The following MOB3B variants were observed in gnomAD, a reference collection of about 807,000 sequenced individuals.
The protein encoded by MOB3B is MOB kinase activator 3B.
In MOB3B, 7 loss-of-function variants were observed where a neutral mutation model predicts 18.7. The ratio of observed to expected loss-of-function variants is 0.37; its 90% CI spans 0.21 to 0.70. The LOEUF (loss-of-function observed/expected upper bound fraction) is 0.70, where lower values mean the gene tolerates loss of function less well. MOB3B is among the 30% of genes least tolerant of loss of function. The pLI is 0.52. For missense variants in MOB3B, 253 were observed against 281.3 expected (o/e 0.90, Z 0.72); for synonymous variants, 111 against 99.9 (o/e 1.11, Z -0.66).
Position 27,356,933 on chromosome 9 carries a change from G to A in MOB3B, c.621+2101C>T, listed in dbSNP as rs187247365. On this transcript the variant is annotated intron_variant, in intron 3 of 3. Coordinates refer to ENST00000262244, the MANE Select transcript of MOB3B (RefSeq NM_024761.5). The stretch of plus-strand genomic sequence containing the variant: ...ACAGCCTTTATAAAACTCAGCCATC[G>A]ATGAATTCTTTCCATACTATTTGTC... Among the ~76,000 whole-genome samples the A allele has an allele frequency of 4.0e-5, 6 of 151,364 alleles. No individual in the cohort carries two copies. In the East Asian group the frequency reaches 7.8e-4, roughly 20 times the overall value.
chr9:27,510,110 C>T (rs1395776046), intron 1 of MOB3B, among the ~76,000 whole-genome samples: 1 of 152,168 alleles, frequency 6.6e-6, no homozygotes, highest in African/African-American at 2.4e-5. Context: ...ACATCTTTCT[C>T]CAGTTGTTCC....
chr9:27,460,467 T>C (rs1038154097), intron 1 of MOB3B, among the ~76,000 whole-genome samples: 2 of 152,228 alleles, frequency 1.3e-5, no homozygotes, highest in Non-Finnish European at 2.9e-5. Flanking sequence ...TCTTTTCCTA[T>C]TGATGTCTTT....
At chr9:27,491,923 A>G (rs1375523197) in intron 1 of MOB3B, among the ~76,000 whole-genome samples, 3 of 152,144 alleles carry the variant, frequency 2.0e-5, no homozygotes, top group African/African-American at 7.2e-5. Context: ...TGTTCTAAGC[A>G]CCTTTATTTG....
intron 2 of MOB3B, among the ~76,000 whole-genome samples, chr9:27,449,276 C>T (rs1324997304): frequency 6.6e-6 from 1 of 152,202 alleles, no homozygotes; most frequent in African/African-American, 2.4e-5. Flanking sequence ...TTTTATTTTA[C>T]TGAGGATACG....
chr9:27,333,079 TGA>T (rs1026269164), intron 3 of MOB3B, among the ~76,000 whole-genome samples: 5 of 152,178 alleles, frequency 3.3e-5, no homozygotes, highest in African/African-American at 1.2e-4. Flanking sequence ...ATTATGCCAC[TGA>T]GAGAGTATGG....
At chr9:27,489,739 A>ATTTTTTTTTT (rs1554652743) in intron 1 of MOB3B, among the ~76,000 whole-genome samples, 1 of 10,066 alleles carries the variant, frequency 9.9e-5, no homozygotes, top group Non-Finnish European at 3.5e-4. Context: ...TAAGGAAATA[A>ATTTTTTTTTT]TCTTTTTTTT....
At chr9:27,417,177 C>A (rs1822163732) in intron 2 of MOB3B, among the ~76,000 whole-genome samples, 1 of 152,216 alleles carries the variant, frequency 6.6e-6, no homozygotes, top group East Asian at 1.9e-4. Flanking sequence ...TCCTGGATAA[C>A]ACCGTGAAAC....
chr9:27,407,595 G>A (rs767786610), intron 2 of MOB3B, among the ~76,000 whole-genome samples: 1 of 152,162 alleles, frequency 6.6e-6, no homozygotes, highest in East Asian at 1.9e-4. Context: ...TGGAGAAGCA[G>A]TGGTGATAAG....
chr9:27,527,097 G>A (rs1264451427), intron 1 of MOB3B, among the ~76,000 whole-genome samples: 1 of 152,108 alleles, frequency 6.6e-6, no homozygotes, highest in East Asian at 1.9e-4. Context: ...TTTTCCTATA[G>A]TGATTTTTTT....
At chr9:27,423,836 T>C (rs1822290767) in intron 2 of MOB3B, among the ~76,000 whole-genome samples, 1 of 152,266 alleles carries the variant, frequency 6.6e-6, no homozygotes, top group Non-Finnish European at 1.5e-5. Context: ...AGCTAGATCT[T>C]ATTATAAGAC....
chr9:27,379,981 G>C (rs1013080298), intron 2 of MOB3B, among the ~76,000 whole-genome samples: 1 of 152,102 alleles, frequency 6.6e-6, no homozygotes, highest in Non-Finnish European at 1.5e-5. Context: ...TTCAAACAAA[G>C]TGTCATTAAG....
At chr9:27,434,745 T>G (rs902509122) in intron 2 of MOB3B, among the ~76,000 whole-genome samples, 6 of 151,990 alleles carry the variant, frequency 3.9e-5, no homozygotes, top group Admixed American at 1.3e-4. Flanking sequence ...CTCACACATT[T>G]CCTCAGCTTG....
At chr9:27,500,062 G>A (rs945947907) in intron 1 of MOB3B, among the ~76,000 whole-genome samples, 4 of 152,110 alleles carry the variant, frequency 2.6e-5, no homozygotes, top group Admixed American at 2.0e-4. Flanking sequence ...TGGAAGGTTT[G>A]ACTAGACCTC....
At chr9:27,391,244 G>A (rs1048041336) in intron 2 of MOB3B, among the ~76,000 whole-genome samples, 5 of 152,104 alleles carry the variant, frequency 3.3e-5, no homozygotes, top group African/African-American at 9.7e-5. Flanking sequence ...ATTCAGAGGC[G>A]ACTGCCTACC....
chr9:27,500,265 T>G (rs563416398), intron 1 of MOB3B, among the ~76,000 whole-genome samples: 1 of 152,148 alleles, frequency 6.6e-6, no homozygotes, highest in East Asian at 1.9e-4. Flanking sequence ...ATAAAGTGTC[T>G]TGTGAGAAAT....
At chr9:27,366,055 G>T (rs532998118) in intron 2 of MOB3B, among the ~76,000 whole-genome samples, 1 of 152,196 alleles carries the variant, frequency 6.6e-6, no homozygotes, top group African/African-American at 2.4e-5. Context: ...AGGCCAGGGT[G>T]CTGGGGTGAG....
chr9:27,411,410 G>T (rs1215514270), intron 2 of MOB3B, among the ~76,000 whole-genome samples: 1 of 152,208 alleles, frequency 6.6e-6, no homozygotes, highest in African/African-American at 2.4e-5. Context: ...AATTTCTTGG[G>T]ATTACAGTGT....
chr9:27,491,522 T>A (rs1172563976), intron 1 of MOB3B, among the ~76,000 whole-genome samples: 1 of 152,146 alleles, frequency 6.6e-6, no homozygotes, highest in Admixed American at 6.5e-5. Context: ...AAAAAAGACA[T>A]ATATCTGTAT....
chr9:27,368,183 AAAAAC>A (rs910332118), intron 2 of MOB3B, among the ~76,000 whole-genome samples: 24 of 152,300 alleles, frequency 1.6e-4, no homozygotes, highest in East Asian at 1.2e-3. Flanking sequence ...ATCACAAGGC[AAAAAC>A]AAAACAAAAC....
Sources: allele counts gnomAD v4.1 joint callset (sites outside exome capture counted in the v4.1 genomes callset), GRCh38; gene constraint gnomAD v4.1.1; transcripts MANE v1.5; gene names NCBI Gene and HGNC (gene_info 2026-07-23, HGNC 2026-07-21).